The following CCSER1 variants were observed in gnomAD, a reference collection of about 807,000 sequenced individuals.
CCSER1 encodes coiled-coil serine rich protein 1.
A neutral mutation model predicts 82.0 loss-of-function variants in CCSER1; 41 were observed. That is an observed-to-expected ratio of 0.50 (90% CI 0.39 to 0.65). The LOEUF is 0.65. Ranked by LOEUF, CCSER1 falls within the 30% of genes least tolerant of loss-of-function variation. CCSER1 has a pLI of 0.00. For missense variants in CCSER1, 1,119 were observed against 1,064.2 expected, an observed-to-expected ratio of 1.05 and a Z score of -0.72; for synonymous variants, 414 against 383.9, an observed-to-expected ratio of 1.08 and a Z score of -0.92.
rs140700059 is a variant in CCSER1 at position 90,658,089 on chromosome 4, G to C, written c.1932+29857G>C. ...ACGGCACTCCAGCTTGGGTGACAGA[G>C]TGAGACTCTGTCTCGAAAATAAAAA... is the stretch of plus-strand genomic sequence containing the variant. On this transcript the variant is annotated intron_variant, in intron 6 of 10. Transcript: ENST00000509176. 6.1e-3 allele frequency among the ~76,000 whole-genome samples: 928 copies of C among 152,260 alleles called. 8 individuals are homozygous for C. Among genetic ancestry groups the C allele is most frequent in the African/African-American group, 0.021 (865 of 41,560 alleles).
chr4:90,587,137 G>A (rs1782110543), intron 5 of CCSER1, among the ~76,000 whole-genome samples: 1 of 152,158 alleles, frequency 6.6e-6, no homozygotes, highest in Admixed American at 6.6e-5. Flanking sequence ...GGAGCATCGA[G>A]AAGTTCAAAA....
At chr4:90,553,127 G>A (rs995027964) in intron 5 of CCSER1, among the ~76,000 whole-genome samples, 3 of 152,116 alleles carry the variant, frequency 2.0e-5, no homozygotes, top group South Asian at 2.1e-4. Flanking sequence ...ACACCACCAC[G>A]CCTAGCTAAT....
intron 10 of CCSER1, among the ~76,000 whole-genome samples, chr4:91,338,283 A>G (rs1260243279): frequency 6.6e-6 from 1 of 152,162 alleles, no homozygotes; most frequent in Non-Finnish European, 1.5e-5. Context: ...CTGTAAATAT[A>G]TAGATGAATC....
At chr4:90,686,748 A>C (rs188629182) in intron 6 of CCSER1, among the ~76,000 whole-genome samples, 9 of 152,242 alleles carry the variant, frequency 5.9e-5, no homozygotes, top group African/African-American at 2.2e-4. Context: ...TCAGAACCAC[A>C]CACGAAAAAG....
intron 10 of CCSER1, among the ~76,000 whole-genome samples, chr4:91,160,066 G>A (rs559334467): frequency 2.0e-4 from 29 of 148,496 alleles, no homozygotes; most frequent in Admixed American, 9.9e-4. Flanking sequence ...CCCATGACAG[G>A]CCCCCATGTG....
chr4:90,146,779 C>T (rs549023770), intron 1 of CCSER1, among the ~76,000 whole-genome samples: 3 of 152,158 alleles, frequency 2.0e-5, no homozygotes, highest in Admixed American at 1.3e-4. Context: ...TTTTCCTTAA[C>T]TTGAAGATGT....
chr4:91,537,100 G>GTGTT (rs1761337139), intron 10 of CCSER1, among the ~76,000 whole-genome samples: 1 of 152,016 alleles, frequency 6.6e-6, no homozygotes, highest in Non-Finnish European at 1.5e-5. Context: ...TAGTCATTAT[G>GTGTT]TGTTTATTAG....
intron 9 of CCSER1, among the ~76,000 whole-genome samples, chr4:90,939,123 C>T (rs925677998): frequency 1.3e-5 from 2 of 152,116 alleles, no homozygotes; most frequent in African/African-American, 4.8e-5. Context: ...TAGATTAGAT[C>T]AGTTTGAAAA....
chr4:91,031,508 A>G (rs1740980410), intron 9 of CCSER1, among the ~76,000 whole-genome samples: 1 of 152,166 alleles, frequency 6.6e-6, no homozygotes, highest in African/African-American at 2.4e-5. Flanking sequence ...AAAGCTCCCT[A>G]AAACTTAGAC....
At chr4:91,458,477 T>C (rs1756323315) in intron 10 of CCSER1, among the ~76,000 whole-genome samples, 1 of 152,174 alleles carries the variant, frequency 6.6e-6, no homozygotes, top group Admixed American at 6.6e-5. Context: ...GTTTGTTCTT[T>C]TTGCTCAGGA....
chr4:90,290,344 G>C (rs1730680248), intron 1 of CCSER1, among the ~76,000 whole-genome samples: 1 of 151,678 alleles, frequency 6.6e-6, no homozygotes, highest in East Asian at 1.9e-4. Context: ...CTATATGCTA[G>C]GAAATATATA....
At chr4:91,577,237 G>A (rs541155301) in intron 10 of CCSER1, among the ~76,000 whole-genome samples, 137 of 151,978 alleles carry the variant, frequency 9.0e-4, no homozygotes, top group African/African-American at 3.2e-3. Flanking sequence ...TCACTTGTGA[G>A]ACTCTGGTTA....
chr4:90,979,090 T>C (rs1365542830), intron 9 of CCSER1, among the ~76,000 whole-genome samples: 1 of 151,662 alleles, frequency 6.6e-6, no homozygotes. Context: ...TTATACTTTC[T>C]GATGTGAAAT....
chr4:90,939,374 C>G (rs568960292), intron 9 of CCSER1, among the ~76,000 whole-genome samples: 16 of 152,068 alleles, frequency 1.1e-4, no homozygotes, highest in Non-Finnish European at 2.1e-4. Flanking sequence ...TGAATGTATC[C>G]TAAAAGGATA....
intron 5 of CCSER1, among the ~76,000 whole-genome samples, chr4:90,577,610 CT>C (rs1780910817): frequency 6.6e-6 from 1 of 151,966 alleles, no homozygotes; most frequent in Non-Finnish European, 1.5e-5. Context: ...GTTTGTTCAG[CT>C]TTTAAATTGT....
intron 10 of CCSER1, among the ~76,000 whole-genome samples, chr4:91,126,541 G>C (rs981645079): frequency 1.3e-5 from 2 of 151,890 alleles, no homozygotes; most frequent in African/African-American, 4.8e-5. Context: ...AGAAGTCAGA[G>C]AATGTTGCAA....
chr4:90,579,140 A>G (rs577905087), intron 5 of CCSER1, among the ~76,000 whole-genome samples: 2 of 152,200 alleles, frequency 1.3e-5, no homozygotes, highest in Admixed American at 1.3e-4. Context: ...ATCAGGTCAC[A>G]CAGAAGAATA....
chr4:91,148,573 G>A (rs1581647830), intron 10 of CCSER1, among the ~76,000 whole-genome samples: 1 of 152,022 alleles, frequency 6.6e-6, no homozygotes, highest in South Asian at 2.1e-4. Flanking sequence ...CCATGTTGGT[G>A]TGCTGCACCC....
At chr4:90,551,831 C>G (rs980469686) in intron 5 of CCSER1, among the ~76,000 whole-genome samples, 6 of 151,636 alleles carry the variant, frequency 4.0e-5, no homozygotes, top group African/African-American at 1.5e-4. Context: ...GTTCATGCTG[C>G]TGTGACAAAA....
Sources: gnomAD v4.1 joint callset for allele counts (sites outside exome capture counted in the v4.1 genomes callset) on GRCh38, gnomAD v4.1.1 for gene constraint, MANE v1.5 for transcripts, NCBI Gene and HGNC (gene_info 2026-07-23, HGNC 2026-07-21) for gene names.